The following MARCHF6 variants were observed in gnomAD, a reference collection of about 807,000 sequenced individuals.
The protein encoded by MARCHF6 is membrane associated ring-CH-type finger 6, also known as E3 ubiquitin-protein ligase MARCHF6.
Under a neutral mutation model 133.7 loss-of-function variants are expected in MARCHF6, and 31 were observed. The observed-to-expected ratio is 0.23, with a 90% CI of 0.17 to 0.31. The LOEUF (loss-of-function observed/expected upper bound fraction) is 0.31. Among genes scored for constraint, MARCHF6 ranks in the 10% least tolerant of loss-of-function variants. MARCHF6 has a pLI of 1.00. For missense variants in MARCHF6, 723 were observed against 1,121.6 expected (o/e 0.64, Z 5.08); for synonymous variants, 395 against 402.5 (o/e 0.98, Z 0.22).
At chr5:10,430,305 GTTT>G (rs576172086) in intron 25 of MARCHF6, among the ~76,000 whole-genome samples, 4 of 133,506 alleles carry the variant, frequency 3.0e-5, no homozygotes, top group Non-Finnish European at 4.9e-5. Context: ...TTTGGTGGTG[GTTT>G]TTTTTTTTTT....
chr5:10,415,513 G>A lies in MARCHF6; in HGVS notation c.1992G>A (p.Ser664=), dbSNP rs551256584. Reference sequence around the variant, plus strand: ...TATTTGCTGGCCGTTGGTTAATGTCGTTTTGGACGGGGACTGCCAAAATCC... The same window carrying A: ...TATTTGCTGGCCGTTGGTTAATGTCATTTTGGACGGGGACTGCCAAAATCC... ...LPVFAGRWLM[S]FWTGTAKIHE... The change falls in exon 21 of 26, where the codon TCG becomes TCA. Residue 664 remains serine (S), a synonymous_variant. Coordinates refer to ENST00000274140, the MANE Select transcript of MARCHF6 (RefSeq NM_005885.4). 8.7e-6 allele frequency: 14 copies of A among 1,612,472 alleles called. No individual in the cohort carries two copies. The African/African-American group carries it at 9.3e-5, about 11-fold the overall frequency.
intron 1 of MARCHF6, among the ~76,000 whole-genome samples, chr5:10,361,988 C>T (rs188058454): frequency 1.3e-5 from 2 of 152,100 alleles, no homozygotes; most frequent in African/African-American, 4.8e-5. Context: ...GTCTTGAACT[C>T]CTGACCTCAG....
chr5:10,411,587 T>G, intron 19 of MARCHF6, 50 bp downstream of exon 19: 1 of 1,489,520 alleles, frequency 6.7e-7, no homozygotes, highest in Non-Finnish European at 9.1e-7. Context: ...TTGGTTTTTT[T>G]GTTCTCCAAA....
At chr5:10,402,879 A>G (rs541048472) in intron 14 of MARCHF6, among the ~76,000 whole-genome samples, 3 of 152,300 alleles carry the variant, frequency 2.0e-5, no homozygotes, top group African/African-American at 7.2e-5. Flanking sequence ...AAATTTGTGT[A>G]GATAATGCCA....
chr5:10,431,242 G>T (rs1200898145), intron 25 of MARCHF6, among the ~76,000 whole-genome samples: 7 of 152,080 alleles, frequency 4.6e-5, no homozygotes, highest in Non-Finnish European at 1.0e-4. Context: ...AAGGGGAAGG[G>T]GTATTTTCAA....
chr5:10,402,338 C>A, intron 12 of MARCHF6, 46 bp from the exon 13 acceptor site: 1 of 1,515,604 alleles, frequency 6.6e-7, no homozygotes, highest in South Asian at 1.1e-5. Flanking sequence ...TTACCTGTTT[C>A]ATTGTACCTT....
At chr5:10,363,430 A>G (rs900287776) in intron 1 of MARCHF6, among the ~76,000 whole-genome samples, 1 of 152,232 alleles carries the variant, frequency 6.6e-6, no homozygotes, top group South Asian at 2.1e-4. Context: ...ATCATTAGTC[A>G]AAACCATAAT....
At chr5:10,388,587 G>A (rs1228820739) in intron 5 of MARCHF6, among the ~76,000 whole-genome samples, 2 of 152,180 alleles carry the variant, frequency 1.3e-5, no homozygotes, top group Non-Finnish European at 2.9e-5. Flanking sequence ...TATTGGGCTT[G>A]CCTAGGTCAC....
At chr5:10,428,650 A>G (rs1278466732) in intron 24 of MARCHF6, among the ~76,000 whole-genome samples, 1 of 152,106 alleles carries the variant, frequency 6.6e-6, no homozygotes, top group African/African-American at 2.4e-5. Flanking sequence ...CGCATTGCTT[A>G]TTAGTTGAAT....
At chr5:10,381,712 G>T in intron 3 of MARCHF6, 88 bp from the exon 4 acceptor site, 1 of 1,012,210 alleles carries the variant, frequency 9.9e-7, no homozygotes, top group Non-Finnish European at 1.4e-6. Flanking sequence ...GCAAATATTG[G>T]AAGTTTAGTT....
chr5:10,417,201 C>T, intron 21 of MARCHF6, 69 bp from the exon 22 acceptor site: 1 of 1,560,734 alleles, frequency 6.4e-7, no homozygotes, highest in South Asian at 1.2e-5. Flanking sequence ...AGTCTCAAAC[C>T]TCAAAATGGA....
chr5:10,382,758 C>T (rs1254790472), intron 4 of MARCHF6, among the ~76,000 whole-genome samples: 2 of 152,164 alleles, frequency 1.3e-5, no homozygotes, highest in South Asian at 4.1e-4. Flanking sequence ...ACCTGGGAGG[C>T]AGAGGTTTCA....
intron 1 of MARCHF6, among the ~76,000 whole-genome samples, chr5:10,373,920 C>A (rs1736612479): frequency 1.3e-5 from 2 of 152,106 alleles, no homozygotes; most frequent in African/African-American, 4.8e-5. Flanking sequence ...TAGGACTGAT[C>A]CGCACCTGTG....
At chr5:10,377,656 A>G in intron 1 of MARCHF6, 142 bp from the exon 2 acceptor site, 2 of 535,984 alleles carry the variant, frequency 3.7e-6, no homozygotes, top group East Asian at 2.8e-5. Context: ...CTTAATCACA[A>G]CTTTCAGTTC....
In MARCHF6 at chr5:10,438,832, T is replaced by C. The variant is rs1333971541; in HGVS notation, c.*5148T>C. The C allele has an allele frequency of 6.6e-6, 1 of 152,204 alleles. No homozygotes were observed. Among genetic ancestry groups the C allele is most frequent in the Non-Finnish European group, 1.5e-5 (1 of 68,036 alleles). The allele number at this position is 152,204 out of a possible 1,614,324, so 9.4% of individuals were successfully genotyped here. ...ACTTCCTTAGTGACTGTTTGGTATATGTAGGTCCCCCTGCCATTACTCTTT... is the reference window on the plus strand; with the variant it reads ...ACTTCCTTAGTGACTGTTTGGTATACGTAGGTCCCCCTGCCATTACTCTTT... On this transcript the variant is annotated 3_prime_UTR_variant, in exon 26 of 26. Coordinates refer to ENST00000274140, the MANE Select transcript of MARCHF6 (RefSeq NM_005885.4).
chr5:10,411,528 TC>T lies in MARCHF6; in HGVS notation c.1889del (p.Pro630HisfsTer7). 1.2e-6 allele frequency: 2 copies of T among 1,613,750 alleles called. No homozygotes were observed. The highest frequency in any genetic ancestry group is 1.7e-6 in the Non-Finnish European group (2 of 1,179,804). On this transcript the variant is annotated frameshift_variant, in exon 19 of 26. Transcript: ENST00000274140. LOFTEE classifies it high-confidence loss of function. ...AGCCTTACCGCCGACCTTTAAATTT[TC>T]CACTCAGGGTAGGTGCTATACAGAC... Reference protein sequence around the residue: ...FQPYRRPLNFPLRIFLLIVFM... With the variant: ...FQPYRRPLNFXLRIFLLIVFM...
Position 10,397,335 on chromosome 5 carries a change from C to A in MARCHF6, c.904C>A (p.Leu302Ile), listed in dbSNP as rs773477132. ...GGTATCTTTAAATACACTGTTCATT[C>A]TTGTTTTTGGTAAGTTGTGTTTGTG... is the stretch of plus-strand genomic sequence containing the variant. ...WVVSLNTLFILVFAFCPYHIG... is the reference protein window; with the variant it reads ...WVVSLNTLFIIVFAFCPYHIG... The change falls in exon 10 of 26, where the codon CTT (leucine) becomes ATT (isoleucine). Residue 302 changes from leucine (L) to isoleucine (I), a missense_variant. Physicochemically the swap from Leu to Ile is conservative, Grantham distance 5 (BLOSUM62 2). Transcript: ENST00000274140. The A allele has an allele frequency of 2.6e-6, 4 of 1,552,262 alleles. No individual in the cohort carries two copies. The highest frequency in any genetic ancestry group is 3.5e-6 in the Non-Finnish European group (4 of 1,157,314).
In MARCHF6 at chr5:10,438,533, A is replaced by G. The variant is rs186392561; in HGVS notation, c.*4849A>G. The G allele has an allele frequency of 1.3e-5, 2 of 152,356 alleles. No individual in the cohort carries two copies. The highest frequency in any genetic ancestry group is 1.9e-4 in the East Asian group (1 of 5,190). The allele number at this position is 152,356 out of a possible 1,614,324, so 9.4% of individuals were successfully genotyped here. A position where few individuals can be genotyped will look rare whatever the true frequency, so the allele number is the denominator to read the frequency against. Reference sequence around the variant, plus strand: ...ATTTCCCCCTTCCGCTCCACAGTTCATAGCTACTCTTGTTGCAAACATGTA... The same window carrying G: ...ATTTCCCCCTTCCGCTCCACAGTTCGTAGCTACTCTTGTTGCAAACATGTA... On this transcript the variant is annotated 3_prime_UTR_variant, in exon 26 of 26. Transcript: ENST00000274140.
At chr5:10,392,749 G>A (rs572022692) in intron 7 of MARCHF6, among the ~76,000 whole-genome samples, 2 of 149,432 alleles carry the variant, frequency 1.3e-5, no homozygotes, top group African/African-American at 5.0e-5. Context: ...GCAAGATTCC[G>A]TCTCAAGAAA....
Sources: allele counts gnomAD v4.1 joint callset (sites outside exome capture counted in the v4.1 genomes callset), GRCh38; gene constraint gnomAD v4.1.1; transcripts MANE v1.5; gene names NCBI Gene and HGNC (gene_info 2026-07-23, HGNC 2026-07-21).